Variants in TIAM1 observed in about 807,000 individuals in gnomAD.
TIAM1 encodes the protein rho guanine nucleotide exchange factor TIAM1.
In TIAM1, 65 loss-of-function variants were observed where a neutral mutation model predicts 163.5. The ratio of observed to expected loss-of-function variants is 0.40; its 90% CI spans 0.33 to 0.49. The LOEUF is 0.49. Ranked by LOEUF, TIAM1 falls within the 20% of genes least tolerant of loss-of-function variation. The probability of loss-of-function intolerance (pLI) is 0.77; values close to 1 mark genes in which losing one functional copy is unlikely to be tolerated. For synonymous variants in TIAM1, 833 were observed against 810.1 expected, an observed-to-expected ratio of 1.03 and a Z score of -0.48; for missense variants, 1,789 against 2,044.7, an observed-to-expected ratio of 0.87 and a Z score of 2.41.
Position 31,141,077 on chromosome 21 carries a change from G to T in TIAM1, c.3774+41C>A. ...AATAAATAAAAGCAAACTCAAACTC[G>T]GCTTTCCTGACAGATGTCCTGAGAA... On this transcript the variant is annotated intron_variant, in intron 22 of 27. Coordinates refer to ENST00000541036, the MANE Select transcript of TIAM1 (RefSeq NM_001353694.2). This position sits in a 1 kb window ranked among gnomAD's most constrained non-coding sequence, Gnocchi z 4.7. 6.8e-7 allele frequency: 1 copy of T among 1,464,038 alleles called. No individual in the cohort carries two copies. Among genetic ancestry groups the T allele is most frequent in the South Asian group, 1.3e-5 (1 of 78,188 alleles). 90.7% of individuals were successfully genotyped at this position (1,464,038 alleles called of 1,614,324 possible).
At chr21:31,457,922 C>T (rs1391580242) in intron 2 of TIAM1, among the ~76,000 whole-genome samples, 1 of 152,214 alleles carries the variant, frequency 6.6e-6, no homozygotes, top group Admixed American at 6.5e-5. Context: ...ATACTTGGCA[C>T]AGACTGCACC....
intron 27 of TIAM1, among the ~76,000 whole-genome samples, chr21:31,121,326 G>A (rs1293613640): frequency 6.6e-6 from 1 of 152,160 alleles, no homozygotes; most frequent in East Asian, 1.9e-4. Context: ...CTTTAGTAAG[G>A]GTGGGGGTGC....
intron 2 of TIAM1, among the ~76,000 whole-genome samples, chr21:31,413,244 TTTTTCTTTTC>T (rs1315859084): frequency 1.4e-3 from 207 of 149,374 alleles, no homozygotes; most frequent in Non-Finnish European, 2.0e-3. Flanking sequence ...GCGTATTTCT[TTTTTCTTTTC>T]TTTTCTTTTC....
intron 2 of TIAM1, among the ~76,000 whole-genome samples, chr21:31,298,197 C>T (rs759682584): frequency 6.6e-6 from 1 of 152,102 alleles, no homozygotes; most frequent in Non-Finnish European, 1.5e-5. Context: ...CGCCACCCTG[C>T]CTTCCAATAA....
chr21:31,220,345 G>A (rs1315955517), intron 8 of TIAM1, among the ~76,000 whole-genome samples: 1 of 152,156 alleles, frequency 6.6e-6, no homozygotes, highest in African/African-American at 2.4e-5. Flanking sequence ...TACATTTGTT[G>A]CTTGAACAAA....
rs1428715124 is a variant in TIAM1 at position 31,245,917 on chromosome 21, T to C, written c.1412-257A>G. On this transcript the variant is annotated intron_variant, in intron 5 of 27. Transcript: ENST00000541036. Reference sequence around the variant, plus strand: ...CCTCAAGTTCTCTCAAACCCTTCCTTTGGGTTTTAGAATGATTCATTACAG... The same window carrying C: ...CCTCAAGTTCTCTCAAACCCTTCCTCTGGGTTTTAGAATGATTCATTACAG... Among the ~76,000 whole-genome samples the C allele has an allele frequency of 3.9e-5, 6 of 152,230 alleles. No individual in the cohort carries two copies. In the East Asian group the frequency reaches 1.2e-3, roughly 29 times the overall value.
At chr21:31,316,714 C>G (rs908185757) in intron 2 of TIAM1, among the ~76,000 whole-genome samples, 1 of 152,168 alleles carries the variant, frequency 6.6e-6, no homozygotes, top group African/African-American at 2.4e-5. Context: ...CAGGATGGCT[C>G]TGGGAAGGTG....
At chr21:31,374,151 C>T (rs2076646179) in intron 2 of TIAM1, among the ~76,000 whole-genome samples, 1 of 152,310 alleles carries the variant, frequency 6.6e-6, no homozygotes, top group East Asian at 1.9e-4. Context: ...AGACCCAACT[C>T]GCTCAGTGCT....
At chr21:31,370,409 T>C (rs575389515) in intron 2 of TIAM1, among the ~76,000 whole-genome samples, 1 of 152,310 alleles carries the variant, frequency 6.6e-6, no homozygotes, top group East Asian at 1.9e-4. Flanking sequence ...TTTAGCAGTA[T>C]ATACAGATGA....
intron 14 of TIAM1, among the ~76,000 whole-genome samples, chr21:31,184,306 A>G (rs570599561): frequency 2.6e-5 from 4 of 152,292 alleles, no homozygotes; most frequent in South Asian, 4.1e-4. Context: ...GGGTTTCACC[A>G]TGTTAGCCAG....
At chr21:31,376,059 AAT>A (rs1434221793) in intron 2 of TIAM1, among the ~76,000 whole-genome samples, 2 of 152,116 alleles carry the variant, frequency 1.3e-5, no homozygotes, top group Non-Finnish European at 2.9e-5. Flanking sequence ...AGTAGAAAAA[AAT>A]AGAGTCCTTT....
chr21:31,286,173 T>C (rs2073802005), intron 2 of TIAM1, among the ~76,000 whole-genome samples: 2 of 152,194 alleles, frequency 1.3e-5, no homozygotes, highest in Admixed American at 6.5e-5. Flanking sequence ...TGTGTTTAGG[T>C]AGCATAACCT....
chr21:31,338,189 CAGG>C (rs1358373811), intron 2 of TIAM1, among the ~76,000 whole-genome samples: 1 of 152,212 alleles, frequency 6.6e-6, no homozygotes, highest in Non-Finnish European at 1.5e-5. Context: ...AGCGGAGCAG[CAGG>C]TAAGACTGGA....
intron 2 of TIAM1, chr21:31,452,331 C>T (rs1040548975): frequency 2.4e-5 from 5 of 208,310 alleles, no homozygotes; most frequent in Non-Finnish European, 2.8e-5. Context: ...CCCAGCTACT[C>T]GGGAGGCTGA....
At chr21:31,228,367 AAC>A (rs2088187336) in intron 6 of TIAM1, among the ~76,000 whole-genome samples, 1 of 151,934 alleles carries the variant, frequency 6.6e-6, no homozygotes, top group Non-Finnish European at 1.5e-5. Flanking sequence ...AAACTTGTAC[AAC>A]TGCTTTAGAA....
At chr21:31,334,365 GCC>G (rs2075775317) in intron 2 of TIAM1, among the ~76,000 whole-genome samples, 1 of 151,174 alleles carries the variant, frequency 6.6e-6, no homozygotes, top group Non-Finnish European at 1.5e-5. Context: ...ACTCACTGCA[GCC>G]TCAAAGTCCT....
intron 9 of TIAM1, among the ~76,000 whole-genome samples, chr21:31,216,902 A>T (rs1464944189): frequency 2.0e-5 from 3 of 152,182 alleles, no homozygotes; most frequent in African/African-American, 7.2e-5. Flanking sequence ...CCAGTGCCAG[A>T]GGCAGCTTAA....
rs138261976 is a variant in TIAM1 at position 31,339,486 on chromosome 21, G to A, written c.-368-64C>T. 7.5e-5 allele frequency: 30 copies of A among 398,310 alleles called. 1 individual carries two copies. Among genetic ancestry groups the A allele is most frequent in the East Asian group, 4.6e-4 (13 of 28,060 alleles). The allele number at this position is 398,310 out of a possible 1,614,324, so 24.7% of individuals were successfully genotyped here. On this transcript the variant is annotated intron_variant, in intron 1 of 27. Transcript: ENST00000541036. ...TCGTTTTTACATACCTCTAGAGATT[G>A]CAAGATTATCCTCAGAAACATTAAC...
At chr21:31,249,354 C>T (rs940778606) in intron 5 of TIAM1, among the ~76,000 whole-genome samples, 1 of 152,174 alleles carries the variant, frequency 6.6e-6, no homozygotes, top group Non-Finnish European at 1.5e-5. Flanking sequence ...TCTTGGATTT[C>T]CAGCCTCCAG....
Sources: gnomAD v4.1 joint callset for allele counts (sites outside exome capture counted in the v4.1 genomes callset) on GRCh38, gnomAD v4.1.1 for gene constraint, Gnocchi (gnomAD v3.1) non-coding constraint, MANE v1.5 for transcripts, NCBI Gene and HGNC (gene_info 2026-07-23, HGNC 2026-07-21) for gene names.